The following ARHGEF33 variants were observed in gnomAD, a reference collection of about 807,000 sequenced individuals.
The protein encoded by ARHGEF33 is DH and coiled-coil domain-containing protein ENSP00000381780.
In ARHGEF33, 72 loss-of-function variants were observed where a neutral mutation model predicts 101.9. That is an observed-to-expected ratio of 0.71 (90% CI 0.58 to 0.86). The LOEUF is 0.86. Ranked by LOEUF, ARHGEF33 falls within the 40% of genes least tolerant of loss-of-function variation. The pLI, the probability that ARHGEF33 is intolerant of heterozygous loss-of-function variation, is 0.00. For synonymous variants in ARHGEF33, 499 were observed against 442.5 expected, an observed-to-expected ratio of 1.13 and a Z score of -1.60; for missense variants, 1,169 against 1,111.3, an observed-to-expected ratio of 1.05 and a Z score of -0.74.
At chr2:38,954,517 C>T (rs1667691034) in intron 13 of ARHGEF33, 61 bp downstream of exon 13, 1 of 989,542 alleles carries the variant, frequency 1.0e-6, no homozygotes, top group Non-Finnish European at 1.6e-6. Flanking sequence ...TTGGTTTTGG[C>T]TCCCAACTGA....
chr2:38,924,377 C>G (rs916170919), intron 4 of ARHGEF33, among the ~76,000 whole-genome samples: 1 of 152,150 alleles, frequency 6.6e-6, no homozygotes, highest in Non-Finnish European at 1.5e-5. Context: ...AATCAGAGCT[C>G]TTTTCCCGAG....
intron 1 of ARHGEF33, among the ~76,000 whole-genome samples, chr2:38,892,901 G>T (rs765946856): frequency 1.4e-4 from 21 of 152,070 alleles, no homozygotes; most frequent in Non-Finnish European, 2.5e-4. Context: ...CTGCTCACTG[G>T]CCTCTTTGCA....
chr2:38,959,608 C>T (rs976283288), intron 15 of ARHGEF33: 3 of 471,504 alleles, frequency 6.4e-6, no homozygotes, highest in South Asian at 4.1e-5. Flanking sequence ...GGCCCGCAGG[C>T]CATTTCCCAG....
intron 2 of ARHGEF33, among the ~76,000 whole-genome samples, chr2:38,905,619 C>CA (rs1666371104): frequency 6.6e-6 from 1 of 152,208 alleles, no homozygotes; most frequent in African/African-American, 2.4e-5. Context: ...CTGTATGGGC[C>CA]AGCAGGTGCC....
intron 2 of ARHGEF33, among the ~76,000 whole-genome samples, chr2:38,904,077 T>C (rs1666333199): frequency 6.6e-6 from 1 of 152,194 alleles, no homozygotes; most frequent in South Asian, 2.1e-4. Context: ...ATTATTTACA[T>C]AAAATGAATA....
At chr2:38,948,163 G>A (rs1292117256) in intron 10 of ARHGEF33, among the ~76,000 whole-genome samples, 2 of 152,068 alleles carry the variant, frequency 1.3e-5, no homozygotes, top group Admixed American at 6.5e-5. Flanking sequence ...GTCAGGTCTG[G>A]CGCCAGGCAA....
At chr2:38,972,107 C>T (rs1668177924) in intron 17 of ARHGEF33, among the ~76,000 whole-genome samples, 1 of 152,136 alleles carries the variant, frequency 6.6e-6, no homozygotes, top group Admixed American at 6.5e-5. Flanking sequence ...GAAGAAATAG[C>T]AGCCCAATTC....
chr2:38,957,092 T>C, intron 14 of ARHGEF33, 45 bp downstream of exon 14: 2 of 1,546,904 alleles, frequency 1.3e-6, no homozygotes, highest in Non-Finnish European at 1.7e-6. Context: ...GACCAGTTAC[T>C]ATGGGTGTCT....
intron 3 of ARHGEF33, among the ~76,000 whole-genome samples, chr2:38,920,754 T>C (rs1666739066): frequency 6.6e-6 from 1 of 152,130 alleles, no homozygotes; most frequent in Non-Finnish European, 1.5e-5. Flanking sequence ...GTGTGCCCTG[T>C]GTTTCTCGAA....
At chr2:38,911,729 C>T (rs905744226) in intron 2 of ARHGEF33, among the ~76,000 whole-genome samples, 4 of 152,094 alleles carry the variant, frequency 2.6e-5, no homozygotes, top group African/African-American at 7.2e-5. Context: ...AATCCTTCCC[C>T]GCCAGGCACT....
At position 38,960,389 on chromosome 2, in the gene ARHGEF33, C is replaced by CGGCGCA. The variant is rs1667892917; in HGVS notation, c.2091_2096dup (p.Gln697_Ala698dup). On this transcript the variant is annotated inframe_insertion, in exon 16 of 18. Transcript: ENST00000409978. ...AGCAGCGCCTACAAACTGGAGGCGG[C>CGGCGCA]GGCGCAGGCGCACGGCAAGGCCAAG... 1.3e-6 allele frequency: 2 copies of CGGCGCA among 1,509,422 alleles called. No homozygotes were observed. Among genetic ancestry groups the CGGCGCA allele is most frequent in the South Asian group, 2.5e-5 (2 of 80,166 alleles). 93.5% of individuals were successfully genotyped at this position (1,509,422 alleles called of 1,614,324 possible). A position where few individuals can be genotyped will look rare whatever the true frequency, so the allele number is the denominator to read the frequency against.
At chr2:38,902,008 G>A (rs567940208) in intron 2 of ARHGEF33, among the ~76,000 whole-genome samples, 4 of 151,968 alleles carry the variant, frequency 2.6e-5, no homozygotes, top group Non-Finnish European at 5.9e-5. Context: ...CCAGCTACTC[G>A]GGAGGCTGAG....
Position 38,940,225 on chromosome 2 carries a change from T to C in ARHGEF33, c.790+2666T>C, listed in dbSNP as rs1667268555. ...TCTCTTCATTTATATAGATCTTGAA[T>C]TTTTCTTAGCAATATAACAGAAACT... On this transcript the variant is annotated intron_variant, in intron 9 of 17. Coordinates refer to ENST00000409978, the MANE Select transcript of ARHGEF33 (RefSeq NM_001145451.5). Among the ~76,000 whole-genome samples, 4 of 152,334 alleles carry C rather than the reference T, an allele frequency of 2.6e-5. No individual in the cohort carries two copies. The South Asian group carries it at 8.3e-4, about 32-fold the overall frequency.
At chr2:38,893,756 C>T (rs1666060028) in intron 1 of ARHGEF33, among the ~76,000 whole-genome samples, 2 of 152,174 alleles carry the variant, frequency 1.3e-5, no homozygotes, top group South Asian at 2.1e-4. Flanking sequence ...TTGTTGAATG[C>T]ACGTGAACTC....
At chr2:38,900,173 G>A (rs1005001573) in intron 2 of ARHGEF33, among the ~76,000 whole-genome samples, 1 of 152,094 alleles carries the variant, frequency 6.6e-6, no homozygotes, top group Admixed American at 6.5e-5. Flanking sequence ...TCCAGCTTGG[G>A]CAACAGAACA....
chr2:38,951,665 A>G (rs1440200071), intron 11 of ARHGEF33, among the ~76,000 whole-genome samples: 1 of 152,122 alleles, frequency 6.6e-6, no homozygotes, highest in East Asian at 1.9e-4. Context: ...GTGTATATAT[A>G]TACACAAATA....
At chr2:38,957,931 A>C (rs1667810657) in intron 14 of ARHGEF33, 103 bp from the exon 15 acceptor site, 1 of 1,399,096 alleles carries the variant, frequency 7.1e-7, no homozygotes, top group Admixed American at 2.1e-5. Context: ...CCTTCACAGC[A>C]AACTTTATCT....
chr2:38,957,792 C>G, intron 14 of ARHGEF33: 1 of 452,498 alleles, frequency 2.2e-6, no homozygotes, highest in Admixed American at 3.4e-5. Context: ...GTTATGGAAG[C>G]TGTCTCTCCA....
chr2:38,945,955 T>C (rs1667440182), intron 10 of ARHGEF33, among the ~76,000 whole-genome samples: 1 of 152,332 alleles, frequency 6.6e-6, no homozygotes, highest in Admixed American at 6.5e-5. Flanking sequence ...TAGTGTGTGC[T>C]CTTATACATC....
Sources: gnomAD v4.1 joint callset for allele counts (sites outside exome capture counted in the v4.1 genomes callset) on GRCh38, gnomAD v4.1.1 for gene constraint, MANE v1.5 for transcripts, NCBI Gene and HGNC (gene_info 2026-07-23, HGNC 2026-07-21) for gene names.